The following AQR variants were observed in gnomAD, a reference collection of about 807,000 sequenced individuals.
AQR encodes aquarius intron-binding spliceosomal factor, also known as RNA helicase aquarius.
In AQR, 61 loss-of-function variants were observed where a neutral mutation model predicts 180.5. The observed-to-expected ratio is 0.34, with a 90% CI of 0.28 to 0.42. The LOEUF (loss-of-function observed/expected upper bound fraction) is 0.42, where lower values mean the gene tolerates loss of function less well. Among genes scored for constraint, AQR ranks in the 10% least tolerant of loss-of-function variants. AQR has a pLI of 1.00. For missense variants in AQR, 1,281 were observed against 1,798.3 expected (o/e 0.71, Z 5.20); for synonymous variants, 551 against 588.8 (o/e 0.94, Z 0.93).
chr15:34,962,552 T>C (rs1368814817), intron 2 of AQR, among the ~76,000 whole-genome samples: 4 of 152,092 alleles, frequency 2.6e-5, no homozygotes, highest in African/African-American at 7.2e-5. Context: ...GCAGATCACC[T>C]GAAGTTAGGA....
At chr15:34,930,818 CTTTTTTTTTTT>C (rs77229498) in intron 11 of AQR, among the ~76,000 whole-genome samples, 18 of 84,762 alleles carry the variant, frequency 2.1e-4, no homozygotes, top group East Asian at 1.0e-3. Flanking sequence ...TACGCCACTT[CTTTTTTTTTTT>C]TTTTTTTTTT....
Position 34,917,870 on chromosome 15 carries a change from G to A in AQR, c.1342+388C>T, listed in dbSNP as rs1243702207. Among the ~76,000 whole-genome samples, 4 of 150,014 alleles carry A rather than the reference G, an allele frequency of 2.7e-5. No individual in the cohort carries two copies. In the East Asian group the frequency reaches 7.8e-4, roughly 29 times the overall value. On this transcript the variant is annotated intron_variant, in intron 15 of 34. Coordinates refer to ENST00000156471, the MANE Select transcript of AQR (RefSeq NM_014691.3). ...GTGGTGGTGCACGCCTGTGGTCCCA[G>A]GTACTCGGGAGGCTGAAGTGGGAGG...
In AQR at chr15:34,862,895, G is replaced by A; in HGVS notation, c.4001C>T (p.Pro1334Leu). ...TCTAGTAGTTGGGAAAGGTTCTGTT[G>A]GAATTATATGCAAATGAAGGGGGCG... ...TARPLHLHII[P>L]TEPFPTTRKN... Residue 1334 changes from proline to leucine, a missense_variant, in exon 33 of 35, where the codon CCA (proline) becomes CTA (leucine). Pro to Leu is a moderately conservative substitution (Grantham distance 98, BLOSUM62 -3). Transcript: ENST00000156471. 1.2e-6 allele frequency: 2 copies of A among 1,613,736 alleles called. No homozygotes were observed. The highest frequency in any genetic ancestry group is 1.7e-6 in the Non-Finnish European group (2 of 1,179,776).
chr15:34,937,315 G>A (rs897763633), intron 9 of AQR, among the ~76,000 whole-genome samples: 1 of 152,142 alleles, frequency 6.6e-6, no homozygotes, highest in Non-Finnish European at 1.5e-5. Context: ...ATGAGCCACT[G>A]CGCCCGGCCA....
intron 18 of AQR, 154 bp downstream of exon 18, chr15:34,906,391 G>A (rs953823441): frequency 9.8e-6 from 8 of 814,182 alleles, no homozygotes; most frequent in Middle Eastern, 3.1e-4. Flanking sequence ...AAAACTGCAC[G>A]GTAGGTACCC....
At chr15:34,868,103 G>C (rs1255702984) in intron 31 of AQR, 1 of 153,624 alleles carries the variant, frequency 6.5e-6, no homozygotes, top group Non-Finnish European at 1.4e-5. Flanking sequence ...GGCCAACATG[G>C]GCAGATCGCT....
At chr15:34,884,822 G>A (rs1893033650) in intron 25 of AQR, 88 bp from the exon 26 acceptor site, 1 of 1,009,530 alleles carries the variant, frequency 9.9e-7, no homozygotes, top group African/African-American at 1.7e-5. Context: ...AACAAGATCT[G>A]CTAGGTGAAA....
chr15:34,859,131 A>AT (rs1892633368), intron 34 of AQR, among the ~76,000 whole-genome samples: 1 of 152,218 alleles, frequency 6.6e-6, no homozygotes, highest in Admixed American at 6.5e-5. Flanking sequence ...ACAAGCCAGA[A>AT]TGGGAGAAAA....
chr15:34,864,469 C>T (rs138869323), intron 32 of AQR, among the ~76,000 whole-genome samples: 74 of 152,254 alleles, frequency 4.9e-4, no homozygotes, highest in African/African-American at 1.6e-3. Context: ...TTATTATTTT[C>T]GCCACATTTC....
intron 2 of AQR, among the ~76,000 whole-genome samples, chr15:34,961,599 C>T (rs1405067540): frequency 2.5e-5 from 3 of 119,762 alleles, no homozygotes; most frequent in African/African-American, 1.0e-4. Context: ...GGTGATAGAG[C>T]GAGACTCCAT....
Position 34,896,810 on chromosome 15 carries a change from C to T in AQR, c.2460+87G>A, listed in dbSNP as rs149350925. ...GCTGCAGTGAGCTGAGATCGCGCCA[C>T]TGCACTCCGGCATGGGCAACAAAAG... On this transcript the variant is annotated intron_variant, in intron 22 of 34. Coordinates refer to ENST00000156471, the MANE Select transcript of AQR (RefSeq NM_014691.3). 5.4e-3 allele frequency: 6,463 copies of T among 1,189,234 alleles called. 124 individuals are homozygous for T. In the African/African-American group the frequency reaches 0.057, roughly 11 times the overall value. 73.7% of individuals were successfully genotyped at this position (1,189,234 alleles called of 1,614,324 possible). A position where few individuals can be genotyped will look rare whatever the true frequency, so the allele number is the denominator to read the frequency against.
intron 2 of AQR, among the ~76,000 whole-genome samples, chr15:34,962,233 G>A (rs2050283832): frequency 6.6e-6 from 1 of 151,918 alleles, no homozygotes; most frequent in Admixed American, 6.6e-5. Flanking sequence ...ATGTTGCCCA[G>A]GTTGGTCTTG....
At chr15:34,907,695 G>A (rs959802623) in intron 17 of AQR, among the ~76,000 whole-genome samples, 1 of 152,136 alleles carries the variant, frequency 6.6e-6, no homozygotes, top group African/African-American at 2.4e-5. Flanking sequence ...TCTATGCAAA[G>A]CAGCAAGAGA....
chr15:34,901,007 T>A, intron 19 of AQR, 144 bp from the exon 20 acceptor site: 1 of 1,043,408 alleles, frequency 9.6e-7, no homozygotes, highest in South Asian at 1.9e-5. Flanking sequence ...TGACAGGTGC[T>A]TGGCTAGACT....
intron 8 of AQR, 137 bp from the exon 9 acceptor site, chr15:34,938,950 T>C (rs1595804044): frequency 1.7e-6 from 1 of 605,952 alleles, no homozygotes; most frequent in South Asian, 2.2e-5. Context: ...AACTTCAATA[T>C]ACAGCTTCTT....
At chr15:34,910,410 A>G (rs1169001426) in intron 16 of AQR, 97 bp from the exon 17 acceptor site, 12 of 1,288,176 alleles carry the variant, frequency 9.3e-6, no homozygotes, top group Non-Finnish European at 1.3e-5. Flanking sequence ...CTGTTCAGCT[A>G]GTATTTAAGT....
At chr15:34,960,659 G>A (rs898579216) in intron 3 of AQR, 115 bp downstream of exon 3, 5 of 523,258 alleles carry the variant, frequency 9.6e-6, no homozygotes, top group Non-Finnish European at 1.7e-5. Flanking sequence ...CCATTGCCCT[G>A]ACGACCAGTT....
chr15:34,932,373 T>C lies in AQR; in HGVS notation c.845A>G (p.His282Arg), dbSNP rs201765276. The change falls in exon 11 of 35, where the codon CAC becomes CGC. Residue 282 changes from histidine (H) to arginine (R), a missense_variant. Physicochemically the swap from His to Arg is conservative, Grantham distance 29. Around this residue, in one of 9 missense-constraint regions of AQR, gnomAD observed 404 missense variants for 490.9 expected, o/e 0.82. Coordinates refer to ENST00000156471, the MANE Select transcript of AQR (RefSeq NM_014691.3). ...TILDDSHLLVHCYLSNLVRRE... is the reference protein window; with the variant it reads ...TILDDSHLLVRCYLSNLVRRE... Reference sequence around the variant, plus strand: ...ACGAACAAGATTGGAAAGGTAACAGTGAACCAGAAGGTGGGAATCATCCAG... The same window carrying C: ...ACGAACAAGATTGGAAAGGTAACAGCGAACCAGAAGGTGGGAATCATCCAG... 4 of 1,613,526 alleles carry C rather than the reference T, an allele frequency of 2.5e-6. No individual in the cohort carries two copies. In the African/African-American group the frequency reaches 4.0e-5, roughly 16 times the overall value.
At chr15:34,916,882 C>CAAAAAAAAAAAAAA (rs71119988) in intron 15 of AQR, among the ~76,000 whole-genome samples, 3 of 79,230 alleles carry the variant, frequency 3.8e-5, no homozygotes, top group African/African-American at 1.0e-4. Context: ...TTCAGCAGAA[C>CAAAAAAAAAAAAAA]AAAAAAAAAA....
Sources: allele counts gnomAD v4.1 joint callset (sites outside exome capture counted in the v4.1 genomes callset), GRCh38; gene constraint gnomAD v4.1.1; regional missense constraint gnomAD v4.1.1; transcripts MANE v1.5; gene names NCBI Gene and HGNC (gene_info 2026-07-23, HGNC 2026-07-21).